Variants in FLCN observed in about 807,000 individuals in gnomAD.
The protein encoded by FLCN is BHD skin lesion fibrofolliculoma protein.
FLCN carries 22 observed loss-of-function variants against 62.5 expected under a neutral mutation model. That is an observed-to-expected ratio of 0.35 (90% CI 0.25 to 0.50). FLCN has a LOEUF of 0.50. Among genes scored for constraint, FLCN ranks in the 20% least tolerant of loss-of-function variants. The pLI is 0.97. For missense variants in FLCN, 657 were observed against 778.0 expected (o/e 0.84, Z 1.85); for synonymous variants, 319 against 310.0 (o/e 1.03, Z -0.30).
intron 4 of FLCN, 75 bp from the exon 5 acceptor site, chr17:17,226,397 T>C: frequency 2.5e-6 from 4 of 1,576,372 alleles, no homozygotes; most frequent in Non-Finnish European, 3.5e-6. Context: ...TATGCAAATC[T>C]GAGCTCGGAA....
At chr17:17,236,474 A>G (rs979215290) in intron 1 of FLCN, among the ~76,000 whole-genome samples, 6 of 152,100 alleles carry the variant, frequency 3.9e-5, no homozygotes, top group Admixed American at 2.0e-4. Flanking sequence ...TAGTGACCAC[A>G]CCTTGGACTT....
At position 17,216,272 on chromosome 17, in the gene FLCN, T is replaced by G; in HGVS notation, c.1300+108A>C. ...GCCATGGGGGAAGCTGGCCCTGCAA[T>G]GAGGCCTCCTCTCCACAACCCATGA... On this transcript the variant is annotated intron_variant, in intron 11 of 13. Transcript: ENST00000285071. This position sits in a 1 kb window ranked among gnomAD's most constrained non-coding sequence, Gnocchi z 4.0. 6.6e-7 allele frequency: 1 copy of G among 1,508,496 alleles called. No individual in the cohort carries two copies. The highest frequency in any genetic ancestry group is 9.0e-7 in the Non-Finnish European group (1 of 1,113,260). 93.4% of individuals were successfully genotyped at this position (1,508,496 alleles called of 1,614,324 possible). A position where few individuals can be genotyped will look rare whatever the true frequency, so the allele number is the denominator to read the frequency against.
Position 17,215,044 on chromosome 17 carries a change from C to T in FLCN, c.1479G>A (p.Gln493=), listed in dbSNP as rs758516602. 1 of 1,614,200 alleles carries T rather than the reference C, an allele frequency of 6.2e-7. No individual in the cohort carries two copies. The highest frequency in any genetic ancestry group is 1.1e-5 in the South Asian group (1 of 91,082). Residue 493 remains glutamine, a synonymous_variant, in exon 13 of 14, where the codon CAG becomes CAA. Coordinates refer to ENST00000285071, the MANE Select transcript of FLCN (RefSeq NM_144997.7). The part of the protein sequence containing the change: ...LNKIEAALTN[Q]NLSVDVVDQC... ...GGTCCACCACATCCACAGACAGGTT[C>T]TGGTTGGTCAGAGCCGCTTCAATCT...
Position 17,227,924 on chromosome 17 carries a change from T to C in FLCN, c.214A>G (p.Ser72Gly). 1 of 1,614,136 alleles carries C rather than the reference T, an allele frequency of 6.2e-7. No individual in the cohort carries two copies. ...SPAEGASVESSSPGPKKSDMC... is the reference protein window; with the variant it reads ...SPAEGASVESGSPGPKKSDMC... ...TCCGACTTTTTGGGCCCCGGGCTGC[T>C]GGACTCGACGCTGGCCCCCTCTGCG... The change falls in exon 4 of 14, where the codon AGC becomes GGC. Residue 72 changes from serine (S) to glycine (G), a missense_variant. Transcript: ENST00000285071.
At chr17:17,226,956 C>T (rs76319098) in intron 4 of FLCN, among the ~76,000 whole-genome samples, 6,410 of 152,264 alleles carry the variant, frequency 0.042, 270 homozygotes, top group East Asian at 0.22. Context: ...AAGACTCTCC[C>T]CACAGTGTCG....
intron 11 of FLCN, among the ~76,000 whole-genome samples, chr17:17,215,641 G>T (rs571902955): frequency 2.0e-5 from 3 of 152,228 alleles, no homozygotes; most frequent in Non-Finnish European, 4.4e-5. Context: ...GGGGAAACAG[G>T]CCTGGAGACG....
intron 9 of FLCN, chr17:17,217,605 C>G: frequency 3.1e-6 from 1 of 322,886 alleles, no homozygotes; most frequent in South Asian, 2.6e-5. Flanking sequence ...AGTGCCTGGA[C>G]GGACGCATCT....
At chr17:17,222,362 G>T in intron 7 of FLCN, 139 bp downstream of exon 7, 1 of 1,202,762 alleles carries the variant, frequency 8.3e-7, no homozygotes, top group Non-Finnish European at 1.2e-6. Flanking sequence ...ACTGACAAGT[G>T]CCCACAGGCC....
At chr17:17,221,871 A>G (rs962867829) in intron 7 of FLCN, among the ~76,000 whole-genome samples, 4 of 152,134 alleles carry the variant, frequency 2.6e-5, no homozygotes, top group Non-Finnish European at 5.9e-5. Context: ...TAAACCAGAG[A>G]GACTTGGGGC....
chr17:17,235,211 C>A (rs532615282), intron 1 of FLCN, among the ~76,000 whole-genome samples: 1 of 151,420 alleles, frequency 6.6e-6, no homozygotes, highest in African/African-American at 2.4e-5. Context: ...ACCTGGGAGA[C>A]GGAGGTTGCA....
intron 1 of FLCN, among the ~76,000 whole-genome samples, chr17:17,236,705 A>G (rs1255329050): frequency 6.6e-6 from 1 of 152,202 alleles, no homozygotes; most frequent in Non-Finnish European, 1.5e-5. Flanking sequence ...GAAGGCAAAC[A>G]GTCCCGTTTC....
At chr17:17,232,063 T>C (rs967159495) in intron 2 of FLCN, among the ~76,000 whole-genome samples, 181 bp from the exon 3 acceptor site, 3 of 152,068 alleles carry the variant, frequency 2.0e-5, no homozygotes, top group Non-Finnish European at 4.4e-5. Context: ...AGAGGAAACA[T>C]ACGCATTTAA....
chr17:17,216,916 CG>C lies in FLCN; in HGVS notation c.1176+152del, dbSNP rs1829399088. The C allele has an allele frequency of 1.4e-6, 1 of 700,896 alleles. No individual in the cohort carries two copies. The highest frequency in any genetic ancestry group is 1.8e-5 in the African/African-American group (1 of 57,108). 43.4% of individuals were successfully genotyped at this position (700,896 alleles called of 1,614,324 possible). On this transcript the variant is annotated intron_variant, in intron 10 of 13. Coordinates refer to ENST00000285071, the MANE Select transcript of FLCN (RefSeq NM_144997.7). This position sits in a 1 kb window ranked among gnomAD's most constrained non-coding sequence, Gnocchi z 4.0. ...GATTTAAACATCATCAGACCAGACC[CG>C]GGTCTCCGTGCCCACTGCGCCCCCA...
Position 17,213,809 on chromosome 17 carries a change from T to C in FLCN, c.1586A>G (p.Lys529Arg), listed in dbSNP as rs2046822563. The C allele has an allele frequency of 6.2e-7, 1 of 1,614,100 alleles. No individual in the cohort carries two copies. The highest frequency in any genetic ancestry group is 8.5e-7 in the Non-Finnish European group (1 of 1,180,040). ...FKFTKVDSRP[K>R]EDTQKLLSIL... ...GCTCAGCAGCTTCTGTGTGTCCTCTTTGGGTCGACTGTCCACCTTGGTGAA... is the reference window on the plus strand; with the variant it reads ...GCTCAGCAGCTTCTGTGTGTCCTCTCTGGGTCGACTGTCCACCTTGGTGAA... The change falls in exon 14 of 14, where the codon AAA becomes AGA. Residue 529 changes from lysine (K) to arginine (R), a missense_variant. Physicochemically the swap from Lys to Arg is conservative, Grantham distance 26. Transcript: ENST00000285071.
chr17:17,222,872 A>G (rs2047137786), intron 6 of FLCN: 2 of 632,736 alleles, frequency 3.2e-6, no homozygotes, highest in South Asian at 1.7e-5. Context: ...CGAGAACAGA[A>G]ATCGGTTGAG....
intron 1 of FLCN, among the ~76,000 whole-genome samples, chr17:17,234,056 G>A (rs1363187942): frequency 6.6e-6 from 1 of 151,670 alleles, no homozygotes; most frequent in East Asian, 2.0e-4. Context: ...GGTTATAAGG[G>A]GGTGCTCTGG....
At position 17,222,551 on chromosome 17, in the gene FLCN, C is replaced by T. The variant is rs377261933; in HGVS notation, c.729G>A (p.Ser243=). Residue 243 remains serine (S), a synonymous_variant, in exon 7 of 14, where the codon TCG becomes TCA. Transcript: ENST00000285071. ...CCCACAGGTTGTCATCACTTGTCAG[C>T]GATGTCAGCGAGCGGGCGGCGTTGC... is the stretch of plus-strand genomic sequence containing the variant. ...RNGNAARSLT[S]LTSDDNLWAC... The T allele has an allele frequency of 8.1e-6, 13 of 1,614,078 alleles. No individual in the cohort carries two copies. Among genetic ancestry groups the T allele is most frequent in the African/African-American group, 4.0e-5 (3 of 74,918 alleles).
rs2144934973 is a variant in FLCN, at chr17:17,221,643, A to T, written c.780-15T>A. 3 of 1,604,904 alleles carry T rather than the reference A, an allele frequency of 1.9e-6. No homozygotes were observed. Among genetic ancestry groups the T allele is most frequent in the Non-Finnish European group, 2.5e-6 (3 of 1,179,644 alleles). On this transcript the variant is annotated splice_polypyrimidine_tract_variant and intron_variant, in intron 7 of 13. Coordinates refer to ENST00000285071, the MANE Select transcript of FLCN (RefSeq NM_144997.7). ...CCTTCAGGAGCCTGGAGAACACAGC[A>T]CCAGCTATGAGCGTTCTCGCCAAAG...
rs896057815 is a variant in FLCN at position 17,227,976 on chromosome 17, C to T, written c.162G>A (p.Met54Ile). The change falls in exon 4 of 14, where the codon ATG becomes ATA. Residue 54 changes from methionine (M) to isoleucine (I), a missense_variant. By Grantham distance (10) the Met-to-Ile change is conservative. Coordinates refer to ENST00000285071, the MANE Select transcript of FLCN (RefSeq NM_144997.7). ...QAEEEEGGIQ[M>I]NSRMRAHSPA... ...GGCTGTGCGCACGCATCCGACTGTT[C>T]ATCTGAATGCCACCTTCCTCTTCTT... is the stretch of plus-strand genomic sequence containing the variant. 1.2e-6 allele frequency: 2 copies of T among 1,614,048 alleles called. No homozygotes were observed. Among genetic ancestry groups the T allele is most frequent in the African/African-American group, 1.3e-5 (1 of 74,948 alleles).
Sources: gnomAD v4.1 joint callset for allele counts (sites outside exome capture counted in the v4.1 genomes callset) on GRCh38, gnomAD v4.1.1 for gene constraint, Gnocchi (gnomAD v3.1) non-coding constraint, MANE v1.5 for transcripts, NCBI Gene and HGNC (gene_info 2026-07-23, HGNC 2026-07-21) for gene names.